The following CTTNBP2NL variants were observed in gnomAD, a reference collection of about 807,000 sequenced individuals.
The protein encoded by CTTNBP2NL is CTTNBP2 N-terminal like.
CTTNBP2NL carries 16 observed loss-of-function variants against 32.5 expected under a neutral mutation model. The observed-to-expected ratio is 0.49, with a 90% CI of 0.33 to 0.75. The LOEUF (loss-of-function observed/expected upper bound fraction) is 0.75. CTTNBP2NL is among the 30% of genes least tolerant of loss of function. The probability of loss-of-function intolerance (pLI) is 0.02; values close to 1 mark genes in which losing one functional copy is unlikely to be tolerated. For missense variants in CTTNBP2NL, 645 were observed against 756.0 expected (o/e 0.85, Z 1.72); for synonymous variants, 298 against 289.4 (o/e 1.03, Z -0.30).
At chr1:112,410,569 T>G (rs1025922785) in intron 1 of CTTNBP2NL, among the ~76,000 whole-genome samples, 2 of 152,210 alleles carry the variant, frequency 1.3e-5, no homozygotes, top group African/African-American at 2.4e-5. Flanking sequence ...TGCCACAGTG[T>G]ATGATAATGT....
chr1:112,448,965 T>C lies in CTTNBP2NL; in HGVS notation c.123T>C (p.Ile41=). The change falls in exon 4 of 6, where the codon ATT becomes ATC. Residue 41 remains isoleucine, a synonymous_variant. Coordinates refer to ENST00000271277, the MANE Select transcript of CTTNBP2NL (RefSeq NM_018704.3). ...ALKAQHRDTF[I]EERYGKYNIS... Reference sequence around the variant, plus strand: ...AGGCCCAACACAGAGATACTTTCATTGAAGAACGCTATGGAAAATATAACA... The same window carrying C: ...AGGCCCAACACAGAGATACTTTCATCGAAGAACGCTATGGAAAATATAACA... 2 of 1,610,436 alleles carry C rather than the reference T, an allele frequency of 1.2e-6. No homozygotes were observed. The highest frequency in any genetic ancestry group is 1.7e-6 in the Non-Finnish European group (2 of 1,176,692).
chr1:112,412,608 C>CTTTTT (rs35667800), intron 2 of CTTNBP2NL, among the ~76,000 whole-genome samples: 6 of 88,922 alleles, frequency 6.7e-5, no homozygotes, highest in African/African-American at 1.7e-4. Context: ...GAGTTGGTAC[C>CTTTTT]TTTTTTTTTT....
rs187280427 is a variant in CTTNBP2NL at position 112,408,258 on chromosome 1, G to A, written c.-133-3936G>A. Among the ~76,000 whole-genome samples the A allele has an allele frequency of 5.7e-5, 7 of 123,088 alleles. No homozygotes were observed. The East Asian group carries it at 1.6e-3, about 28-fold the overall frequency. The allele number at this position is 123,088 out of a possible 152,430, so 80.8% of individuals were successfully genotyped here. A position where few individuals can be genotyped will look rare whatever the true frequency, so the allele number is the denominator to read the frequency against. On this transcript the variant is annotated intron_variant, in intron 1 of 5. Transcript: ENST00000271277. ...TTTTTTTTTTGCTGTTGCCCAGGCTGGCCTTGAGCGCCTGGCCTCAATTGA... is the reference window on the plus strand; with the variant it reads ...TTTTTTTTTTGCTGTTGCCCAGGCTAGCCTTGAGCGCCTGGCCTCAATTGA...
chr1:112,446,845 C>T (rs865800082), intron 3 of CTTNBP2NL, among the ~76,000 whole-genome samples: 6 of 152,126 alleles, frequency 3.9e-5, no homozygotes, highest in East Asian at 1.9e-4. Context: ...ATGCTGCGGC[C>T]GGCTATTCAC....
intron 3 of CTTNBP2NL, among the ~76,000 whole-genome samples, chr1:112,427,015 GT>G (rs1349525391): frequency 6.6e-6 from 1 of 152,008 alleles, no homozygotes; most frequent in Non-Finnish European, 1.5e-5. Context: ...ACTTTCCTTT[GT>G]CTTTTATTGG....
Position 112,457,619 on chromosome 1 carries a change from A to G in CTTNBP2NL, c.*207A>G. The G allele has an allele frequency of 1.5e-5, 8 of 517,654 alleles. No individual in the cohort carries two copies. The South Asian group carries it at 1.9e-4, about 12-fold the overall frequency. 32.1% of individuals were successfully genotyped at this position (517,654 alleles called of 1,614,324 possible). A position where few individuals can be genotyped will look rare whatever the true frequency, so the allele number is the denominator to read the frequency against. On this transcript the variant is annotated 3_prime_UTR_variant, in exon 6 of 6. Coordinates refer to ENST00000271277, the MANE Select transcript of CTTNBP2NL (RefSeq NM_018704.3). Reference sequence around the variant, plus strand: ...TGGCTCACATCTTTTTACTGAAGCCAGAAAGGCACCTCAAAGATGTCTCAA... The same window carrying G: ...TGGCTCACATCTTTTTACTGAAGCCGGAAAGGCACCTCAAAGATGTCTCAA...
At chr1:112,423,191 T>C (rs555427001) in intron 3 of CTTNBP2NL, among the ~76,000 whole-genome samples, 3 of 152,304 alleles carry the variant, frequency 2.0e-5, no homozygotes, top group Admixed American at 6.5e-5. Flanking sequence ...GAGTTTCTTA[T>C]ATATCTGGAT....
intron 3 of CTTNBP2NL, among the ~76,000 whole-genome samples, chr1:112,426,414 G>C (rs1570729181): frequency 6.6e-6 from 1 of 151,814 alleles, no homozygotes; most frequent in East Asian, 1.9e-4. Flanking sequence ...TTGCTGTGCT[G>C]GGCACAGTGG....
intron 5 of CTTNBP2NL, among the ~76,000 whole-genome samples, chr1:112,455,675 G>C (rs902895066): frequency 6.6e-6 from 1 of 152,190 alleles, no homozygotes; most frequent in Non-Finnish European, 1.5e-5. Flanking sequence ...CTCCACATAC[G>C]TGAAACACAA....
chr1:112,424,159 T>C (rs1485927511), intron 3 of CTTNBP2NL, among the ~76,000 whole-genome samples: 2 of 152,250 alleles, frequency 1.3e-5, no homozygotes. Context: ...TCTCATAGTT[T>C]TAAGTTTTAC....
At chr1:112,453,366 G>A (rs1650276926) in intron 4 of CTTNBP2NL, among the ~76,000 whole-genome samples, 1 of 152,126 alleles carries the variant, frequency 6.6e-6, no homozygotes, top group Admixed American at 6.5e-5. Flanking sequence ...TGGAGGTCTG[G>A]GCCAAGGCAC....
At chr1:112,397,887 A>C (rs1454236543) in intron 1 of CTTNBP2NL, among the ~76,000 whole-genome samples, 1 of 152,228 alleles carries the variant, frequency 6.6e-6, no homozygotes, top group Non-Finnish European at 1.5e-5. Flanking sequence ...CTGAAGGTAG[A>C]CTTCCTAAAG....
chr1:112,455,006 T>C (rs975724219), intron 5 of CTTNBP2NL, among the ~76,000 whole-genome samples: 12 of 152,174 alleles, frequency 7.9e-5, no homozygotes, highest in African/African-American at 2.9e-4. Context: ...AAATCATATA[T>C]AACCCCTACT....
intron 3 of CTTNBP2NL, among the ~76,000 whole-genome samples, chr1:112,416,675 T>C (rs1236202333): frequency 1.3e-5 from 2 of 152,046 alleles, no homozygotes; most frequent in African/African-American, 2.4e-5. Flanking sequence ...GTATTTTTAG[T>C]AGAGACAGGG....
chr1:112,406,378 A>G (rs1225104326), intron 1 of CTTNBP2NL, among the ~76,000 whole-genome samples: 1 of 152,214 alleles, frequency 6.6e-6, no homozygotes, highest in African/African-American at 2.4e-5. Context: ...TGAGAGGATC[A>G]GATGTAAGCA....
intron 3 of CTTNBP2NL, among the ~76,000 whole-genome samples, chr1:112,424,057 G>A (rs1441062880): frequency 6.6e-6 from 1 of 152,078 alleles, no homozygotes; most frequent in African/African-American, 2.4e-5. Flanking sequence ...TGTTTTTAAT[G>A]TTATATCTAG....
chr1:112,440,209 T>G (rs1413792571), intron 3 of CTTNBP2NL, among the ~76,000 whole-genome samples: 1 of 152,232 alleles, frequency 6.6e-6, no homozygotes, highest in Non-Finnish European at 1.5e-5. Context: ...ATTTTGGTTG[T>G]TTAACCCTGA....
upstream of CTTNBP2NL, among the ~76,000 whole-genome samples, chr1:112,394,206 A>T (rs568933741): frequency 3.6e-4 from 46 of 129,406 alleles, no homozygotes; most frequent in Admixed American, 1.0e-3. Flanking sequence ...CCATCTCGAT[A>T]AAAAAAAAAA....
intron 3 of CTTNBP2NL, among the ~76,000 whole-genome samples, chr1:112,427,769 A>G (rs1313592965): frequency 6.6e-6 from 1 of 151,844 alleles, no homozygotes; most frequent in Non-Finnish European, 1.5e-5. Flanking sequence ...GGTGGCATGC[A>G]CCTGTAGTCC....
Sources: gnomAD v4.1 joint callset for allele counts (sites outside exome capture counted in the v4.1 genomes callset) on GRCh38, gnomAD v4.1.1 for gene constraint, MANE v1.5 for transcripts, NCBI Gene and HGNC (gene_info 2026-07-23, HGNC 2026-07-21) for gene names.